The following MTHFD2L variants were observed in gnomAD, a reference collection of about 807,000 sequenced individuals.
The protein encoded by MTHFD2L is bifunctional methylenetetrahydrofolate dehydrogenase/cyclohydrolase 2, mitochondrial.
In MTHFD2L, 29 loss-of-function variants were observed where a neutral mutation model predicts 34.9. The ratio of observed to expected loss-of-function variants is 0.83; its 90% CI spans 0.62 to 1.13. MTHFD2L has a LOEUF of 1.13. Ranked by LOEUF, MTHFD2L falls within the 50% of genes most tolerant of loss-of-function variation. The pLI is 0.00. For missense variants in MTHFD2L, 481 were observed against 446.5 expected (o/e 1.08, Z -0.70); for synonymous variants, 167 against 155.7 (o/e 1.07, Z -0.54).
chr4:74,275,190 T>C lies in MTHFD2L; in HGVS notation c.806-6235T>C, dbSNP rs1452606608. Among the ~76,000 whole-genome samples the C allele has an allele frequency of 2.6e-5, 4 of 152,148 alleles. No homozygotes were observed. The East Asian group carries it at 7.7e-4, about 29-fold the overall frequency. ...CAACTCCCACTTATGAATGAGAACATGCGGTGTTTGGTTTTCTGTTCCTGT... is the reference window on the plus strand; with the variant it reads ...CAACTCCCACTTATGAATGAGAACACGCGGTGTTTGGTTTTCTGTTCCTGT... On this transcript the variant is annotated intron_variant, in intron 6 of 7. Coordinates refer to ENST00000325278, the MANE Select transcript of MTHFD2L (RefSeq NM_001144978.3).
At chr4:74,256,081 G>T (rs1050909520) in intron 6 of MTHFD2L, among the ~76,000 whole-genome samples, 7 of 152,166 alleles carry the variant, frequency 4.6e-5, no homozygotes, top group Non-Finnish European at 8.8e-5. Context: ...TCTCCAAGCT[G>T]CTTTCCACAG....
At chr4:74,245,023 T>A (rs1742218819) in intron 6 of MTHFD2L, among the ~76,000 whole-genome samples, 1 of 151,792 alleles carries the variant, frequency 6.6e-6, no homozygotes, top group African/African-American at 2.4e-5. Context: ...TGAAACCCCG[T>A]CTCTACTAAA....
chr4:74,156,395 T>G (rs1377055137), upstream of MTHFD2L: 1 of 152,216 alleles, frequency 6.6e-6, no homozygotes, highest in Non-Finnish European at 1.5e-5. Context: ...TTCATCTACG[T>G]CTTTTTATGG....
intron 7 of MTHFD2L, among the ~76,000 whole-genome samples, chr4:74,282,843 A>C (rs1747682050): frequency 6.6e-6 from 1 of 152,102 alleles, no homozygotes; most frequent in Admixed American, 6.6e-5. Flanking sequence ...CTGTACGTAT[A>C]TACATATGTC....
Position 74,158,165 on chromosome 4 carries a change from G to A in MTHFD2L, c.27G>A (p.Ser9=), listed in dbSNP as rs1264651803. Residue 9 remains serine, a synonymous_variant, in exon 1 of 8, where the codon TCG becomes TCA. Coordinates refer to ENST00000325278, the MANE Select transcript of MTHFD2L (RefSeq NM_001144978.3). MTVPVRGF[S]LLRGRLGRAP... Reference sequence around the variant, plus strand: ...TGACGGTGCCGGTCCGCGGCTTCTCGCTGCTCCGCGGCCGCCTTGGCCGAG... The same window carrying A: ...TGACGGTGCCGGTCCGCGGCTTCTCACTGCTCCGCGGCCGCCTTGGCCGAG... 5.7e-5 allele frequency: 87 copies of A among 1,528,918 alleles called. No individual in the cohort carries two copies. The highest frequency in any genetic ancestry group is 7.3e-5 in the Non-Finnish European group (83 of 1,139,434). 94.7% of individuals were successfully genotyped at this position (1,528,918 alleles called of 1,614,324 possible).
At chr4:74,231,697 G>T (rs2110140788) in intron 6 of MTHFD2L, among the ~76,000 whole-genome samples, 1 of 152,168 alleles carries the variant, frequency 6.6e-6, no homozygotes, top group East Asian at 1.9e-4. Context: ...CTGATTGTGA[G>T]CTTGGTCTCA....
intron 7 of MTHFD2L, among the ~76,000 whole-genome samples, chr4:74,291,327 A>G (rs1045966176): frequency 6.6e-6 from 1 of 151,570 alleles, no homozygotes; most frequent in East Asian, 1.9e-4. Flanking sequence ...TTTCTTTTAT[A>G]TCTCTGTCCC....
chr4:74,256,976 T>C (rs552600880), intron 6 of MTHFD2L, among the ~76,000 whole-genome samples: 80 of 152,196 alleles, frequency 5.3e-4, no homozygotes, highest in Non-Finnish European at 1.0e-3. Context: ...TTTAGAATTT[T>C]TTTTTCTAAT....
At chr4:74,207,682 C>T (rs1193394351) in intron 5 of MTHFD2L, among the ~76,000 whole-genome samples, 2 of 151,842 alleles carry the variant, frequency 1.3e-5, no homozygotes, top group East Asian at 1.9e-4. Context: ...TCAAGAGGCA[C>T]CCTATCTAAA....
intron 5 of MTHFD2L, among the ~76,000 whole-genome samples, chr4:74,222,978 A>G (rs766000827): frequency 6.6e-6 from 1 of 152,070 alleles, no homozygotes; most frequent in Non-Finnish European, 1.5e-5. Flanking sequence ...TTTATACATC[A>G]TTGGTGGGAG....
At chr4:74,166,070 G>A (rs1397035745) in intron 1 of MTHFD2L, among the ~76,000 whole-genome samples, 4 of 152,192 alleles carry the variant, frequency 2.6e-5, no homozygotes, top group African/African-American at 9.7e-5. Context: ...AGTTCCATCA[G>A]AAGATTATTC....
intron 6 of MTHFD2L, among the ~76,000 whole-genome samples, chr4:74,280,630 G>GT (rs11299871): frequency 4.5e-4 from 67 of 147,966 alleles, no homozygotes; most frequent in East Asian, 1.0e-3. Flanking sequence ...ATTGTTCAAT[G>GT]TTTTTTTTTT....
At chr4:74,145,269 TA>T (rs1324278778) in intron 1 of MTHFD2L, among the ~76,000 whole-genome samples, 1 of 152,008 alleles carries the variant, frequency 6.6e-6, no homozygotes, top group Non-Finnish European at 1.5e-5. Context: ...ATAATACAAA[TA>T]AAAAATACTG....
intron 6 of MTHFD2L, among the ~76,000 whole-genome samples, chr4:74,231,577 C>G (rs1740073824): frequency 6.6e-6 from 1 of 152,098 alleles, no homozygotes; most frequent in Non-Finnish European, 1.5e-5. Flanking sequence ...TTAAGGGTTC[C>G]TTCCCTCCTT....
intron 1 of MTHFD2L, among the ~76,000 whole-genome samples, chr4:74,139,016 C>A (rs993616735): frequency 6.6e-6 from 1 of 152,178 alleles, no homozygotes; most frequent in Non-Finnish European, 1.5e-5. Context: ...CAGTCACCTT[C>A]CCCAGCCAGG....
chr4:74,121,233 CTT>C (rs1453474858), upstream of MTHFD2L, among the ~76,000 whole-genome samples: 2 of 152,166 alleles, frequency 1.3e-5, no homozygotes, highest in East Asian at 3.8e-4. Context: ...AGTGAACTGA[CTT>C]TGTCCATCCT....
chr4:74,197,990 T>C (rs1041512687), intron 3 of MTHFD2L, among the ~76,000 whole-genome samples: 1 of 152,210 alleles, frequency 6.6e-6, no homozygotes, highest in African/African-American at 2.4e-5. Context: ...TTTTTTCATC[T>C]ACTCATATGG....
At chr4:74,179,396 A>T (rs1438473154) in intron 3 of MTHFD2L, among the ~76,000 whole-genome samples, 2 of 151,932 alleles carry the variant, frequency 1.3e-5, no homozygotes, top group Non-Finnish European at 2.9e-5. Context: ...TCCTATTTTT[A>T]TTCATAATTT....
intron 6 of MTHFD2L, among the ~76,000 whole-genome samples, chr4:74,253,832 A>G (rs1743639446): frequency 1.3e-5 from 2 of 152,012 alleles, no homozygotes; most frequent in African/African-American, 4.8e-5. Context: ...GCCCATGCAG[A>G]CTCAGGCCCC....
Sources: allele counts gnomAD v4.1 joint callset (sites outside exome capture counted in the v4.1 genomes callset), GRCh38; gene constraint gnomAD v4.1.1; transcripts MANE v1.5; gene names NCBI Gene and HGNC (gene_info 2026-07-23, HGNC 2026-07-21).